Variants in USP36 observed in about 807,000 individuals in gnomAD.
USP36 encodes the protein ubiquitin carboxyl-terminal hydrolase 36.
USP36 carries 59 observed loss-of-function variants against 111.5 expected under a neutral mutation model. The observed-to-expected ratio is 0.53, with a 90% CI of 0.43 to 0.66. The LOEUF is 0.66. Ranked by LOEUF, USP36 falls within the 30% of genes least tolerant of loss-of-function variation. The probability of loss-of-function intolerance (pLI) is 0.00; values close to 1 mark genes in which losing one functional copy is unlikely to be tolerated. For synonymous variants in USP36, 628 were observed against 581.0 expected (o/e 1.08, Z -1.16); for missense variants, 1,488 against 1,468.0 (o/e 1.01, Z -0.22).
intron 6 of USP36, 72 bp downstream of exon 6, chr17:78,827,173 T>C (rs2067628161): frequency 1.3e-6 from 2 of 1,487,730 alleles, no homozygotes; most frequent in Non-Finnish European, 1.8e-6. Flanking sequence ...GCTGTTGCCA[T>C]AGGAATGTTC....
At position 78,812,880 on chromosome 17, in the gene USP36, AAAT is replaced by A. The variant is rs752082089; in HGVS notation, c.1384_1386del (p.Ile462del). Reference sequence around the variant, plus strand: ...AATACCTTTCCAGTCAGTGGGGAGGAAATAATCCCATTGCCGATGTTCTTCTTG... The same window carrying A: ...AATACCTTTCCAGTCAGTGGGGAGGAAATCCCATTGCCGATGTTCTTCTTG... On this transcript the variant is annotated inframe_deletion, in exon 13 of 21. Coordinates refer to ENST00000449938, the MANE Select transcript of USP36 (RefSeq NM_001385174.1). The A allele has an allele frequency of 1.9e-6, 3 of 1,613,506 alleles. No homozygotes were observed. The South Asian group carries it at 3.3e-5, about 18-fold the overall frequency.
intron 3 of USP36, 170 bp downstream of exon 3, chr17:78,835,941 C>A: frequency 2.1e-6 from 2 of 975,230 alleles, no homozygotes; most frequent in Admixed American, 2.9e-5. Flanking sequence ...TTCCTTGCTA[C>A]CAACCCTGTA....
chr17:78,800,906 A>C (rs1267273624), intron 17 of USP36, among the ~76,000 whole-genome samples: 1 of 151,890 alleles, frequency 6.6e-6, no homozygotes, highest in African/African-American at 2.4e-5. Flanking sequence ...TGCACTAACA[A>C]GCCAACTCCA....
intron 4 of USP36, among the ~76,000 whole-genome samples, chr17:78,831,246 AAAAAAAAG>A (rs1240231930): frequency 2.0e-5 from 3 of 148,748 alleles, no homozygotes; most frequent in East Asian, 2.0e-4. Flanking sequence ...AAAAAAAAAA[AAAAAAAAG>A]GGACAACATA....
At chr17:78,817,156 G>A (rs1014123376) in intron 10 of USP36, among the ~76,000 whole-genome samples, 1 of 152,212 alleles carries the variant, frequency 6.6e-6, no homozygotes, top group Admixed American at 6.5e-5. Flanking sequence ...GGAACAGGCT[G>A]TGTAGGTTTG....
rs1398727707 is a variant in USP36, at chr17:78,796,477, T to G, written c.*1423A>C. ...TGGGACACAGGTGGCCACAGGAGCT[T>G]GATTCTCTCCCACCCTTCTAAGAAG... On this transcript the variant is annotated 3_prime_UTR_variant, in exon 21 of 21. Transcript: ENST00000449938. 2 of 152,164 alleles carry G rather than the reference T, an allele frequency of 1.3e-5. No homozygotes were observed. Among genetic ancestry groups the G allele is most frequent in the Non-Finnish European group, 2.9e-5 (2 of 68,036 alleles). The allele number at this position is 152,164 out of a possible 1,614,324, so 9.4% of individuals were successfully genotyped here. A position where few individuals can be genotyped will look rare whatever the true frequency, so the allele number is the denominator to read the frequency against.
chr17:78,807,079 T>C lies in USP36; in HGVS notation c.1965A>G (p.Pro655=). Residue 655 remains proline, a synonymous_variant, in exon 14 of 21, where the codon CCA becomes CCG. Transcript: ENST00000449938. ...CSTAGHSKTP[P]SGADSKTVKL... is the part of the protein sequence containing the mutation. ...TCACCGTCTTAGAATCTGCTCCACT[T>C]GGCGGCGTTTTGGAGTGGCCAGCGG... 5 of 1,614,210 alleles carry C rather than the reference T, an allele frequency of 3.1e-6. No homozygotes were observed. Among genetic ancestry groups the C allele is most frequent in the Non-Finnish European group, 4.2e-6 (5 of 1,180,036 alleles).
chr17:78,838,371 C>CAAAAAAAAAAAAA (rs1195525371), intron 2 of USP36, among the ~76,000 whole-genome samples: 8 of 58,504 alleles, frequency 1.4e-4, no homozygotes, highest in African/African-American at 4.0e-4. Context: ...GACTTGGTCT[C>CAAAAAAAAAAAAA]AAAAAAAAAA....
chr17:78,816,690 T>C (rs1024911007), intron 10 of USP36, among the ~76,000 whole-genome samples: 2 of 151,964 alleles, frequency 1.3e-5, no homozygotes, highest in African/African-American at 4.8e-5. Flanking sequence ...TTGCCCAAGC[T>C]GGTCTTAAAC....
chr17:78,833,630 G>A (rs2068362936), intron 4 of USP36, among the ~76,000 whole-genome samples: 1 of 152,100 alleles, frequency 6.6e-6, no homozygotes, highest in African/African-American at 2.4e-5. Context: ...AACCCTACAG[G>A]CCAGGCTCCT....
rs377312015 is a variant in USP36 at position 78,807,311 on chromosome 17, A to G, written c.1733T>C (p.Val578Ala). 25 of 1,614,134 alleles carry G rather than the reference A, an allele frequency of 1.5e-5. No homozygotes were observed. Among genetic ancestry groups the G allele is most frequent in the East Asian group, 6.7e-5 (3 of 44,872 alleles). Residue 578 changes from valine (V) to alanine (A), a missense_variant, in exon 14 of 21, where the codon GTC becomes GCC. Val to Ala is a moderately conservative substitution (Grantham distance 64). Coordinates refer to ENST00000449938, the MANE Select transcript of USP36 (RefSeq NM_001385174.1). ...RQGSWDSRDV[V>A]LSTSPKLLAT... Reference sequence around the variant, plus strand: ...CAGGAGCTTAGGTGAGGTAGAGAGGACAACATCCCTGCTGTCCCAGGAGCC... The same window carrying G: ...CAGGAGCTTAGGTGAGGTAGAGAGGGCAACATCCCTGCTGTCCCAGGAGCC...
intron 4 of USP36, among the ~76,000 whole-genome samples, chr17:78,834,923 A>C (rs1347285678): frequency 6.6e-6 from 1 of 151,562 alleles, no homozygotes. Flanking sequence ...CAAGACTACA[A>C]CGAGTTGTGA....
chr17:78,798,250 G>A lies in USP36; in HGVS notation c.*20+150C>T, dbSNP rs537136386. ...TGACTAGGACACACACCACAGACGCGCCCACACCACACACACCACCCAACA... is the reference window on the plus strand; with the variant it reads ...TGACTAGGACACACACCACAGACGCACCCACACCACACACACCACCCAACA... On this transcript the variant is annotated intron_variant, in intron 20 of 20. Coordinates refer to ENST00000449938, the MANE Select transcript of USP36 (RefSeq NM_001385174.1). This position sits in a 1 kb window ranked among gnomAD's most constrained non-coding sequence, Gnocchi z 5.1. 3.9e-5 allele frequency: 40 copies of A among 1,016,338 alleles called. No individual in the cohort carries two copies. Among genetic ancestry groups the A allele is most frequent in the African/African-American group, 1.0e-4 (6 of 60,216 alleles). 63.0% of individuals were successfully genotyped at this position (1,016,338 alleles called of 1,614,324 possible).
intron 7 of USP36, 87 bp downstream of exon 7, chr17:78,821,850 G>A: frequency 1.3e-6 from 2 of 1,488,542 alleles, no homozygotes; most frequent in Non-Finnish European, 1.9e-6. Flanking sequence ...CGAAGAAAGA[G>A]CCCCAGCCTG....
chr17:78,829,586 A>T (rs1314990948), intron 4 of USP36, among the ~76,000 whole-genome samples: 3 of 152,200 alleles, frequency 2.0e-5, no homozygotes, highest in African/African-American at 7.2e-5. Flanking sequence ...AGTCACAACT[A>T]TGCTCCTGTA....
intron 13 of USP36, among the ~76,000 whole-genome samples, chr17:78,812,622 A>G (rs565742776): frequency 6.3e-4 from 94 of 148,222 alleles, no homozygotes; most frequent in African/African-American, 2.2e-3. Flanking sequence ...CCCGGGAGGC[A>G]GAGCTTGCAG....
chr17:78,804,233 G>A (rs1353781138), intron 15 of USP36, among the ~76,000 whole-genome samples: 1 of 152,090 alleles, frequency 6.6e-6, no homozygotes, highest in African/African-American at 2.4e-5. Flanking sequence ...AAGCCAAGGT[G>A]GCTGGATCAC....
intron 10 of USP36, among the ~76,000 whole-genome samples, chr17:78,815,541 G>C (rs2094158081): frequency 6.6e-6 from 1 of 152,138 alleles, no homozygotes; most frequent in Non-Finnish European, 1.5e-5. Context: ...CACTTTACAG[G>C]AACATTGTTG....
intron 8 of USP36, among the ~76,000 whole-genome samples, chr17:78,820,702 G>C (rs1418392299): frequency 2.0e-5 from 3 of 152,150 alleles, no homozygotes. Context: ...ACGCCGCCCA[G>C]AGCACACAAC....
Sources: allele counts gnomAD v4.1 joint callset (sites outside exome capture counted in the v4.1 genomes callset), GRCh38; gene constraint gnomAD v4.1.1; non-coding constraint Gnocchi (gnomAD v3.1); transcripts MANE v1.5; gene names NCBI Gene and HGNC (gene_info 2026-07-23, HGNC 2026-07-21).